Variants in ITGA9 observed in about 807,000 individuals in gnomAD.
The protein encoded by ITGA9 is integrin alpha-9.
In ITGA9, 56 loss-of-function variants were observed where a neutral mutation model predicts 127.8. The ratio of observed to expected loss-of-function variants is 0.44; its 90% confidence interval spans 0.35 to 0.55. The LOEUF (loss-of-function observed/expected upper bound fraction) is 0.55. Among genes scored for constraint, ITGA9 ranks in the 20% least tolerant of loss-of-function variants. ITGA9 has a pLI of 0.00. For synonymous variants in ITGA9, 508 were observed against 514.5 expected (o/e 0.99, Z 0.17); for missense variants, 1,196 against 1,347.1 (o/e 0.89, Z 1.76).
intron 16 of ITGA9, among the ~76,000 whole-genome samples, chr3:37,653,438 C>G (rs954502533): frequency 1.2e-4 from 18 of 152,146 alleles, no homozygotes; most frequent in Admixed American, 1.2e-3. Context: ...ACGTACCTCT[C>G]TTGAAAAAAC....
intron 15 of ITGA9, among the ~76,000 whole-genome samples, chr3:37,594,814 A>G (rs1326341647): frequency 1.3e-5 from 2 of 152,172 alleles, no homozygotes; most frequent in Non-Finnish European, 2.9e-5. Context: ...GGGTCTCGCT[A>G]TGTTGCCCAG....
At chr3:37,458,655 C>T (rs962470001) in intron 1 of ITGA9, among the ~76,000 whole-genome samples, 3 of 152,226 alleles carry the variant, frequency 2.0e-5, no homozygotes, top group Admixed American at 6.5e-5. Flanking sequence ...GCCTGCCACG[C>T]GTGAATCACT....
In ITGA9 at chr3:37,629,943, G is replaced by A. The variant is rs886144730; in HGVS notation, c.1839+607G>A. ...CAGCAGCGCTGGCCAGCTCTGAGGC[G>A]TGCAGCACTGAGTGCGGTGCAGGAA... On this transcript the variant is annotated intron_variant, in intron 16 of 27. Coordinates refer to ENST00000264741, the MANE Select transcript of ITGA9 (RefSeq NM_002207.3). The surrounding 1 kb of genome is among the most constrained non-coding windows in gnomAD (Gnocchi z 4.5). Among the ~76,000 whole-genome samples, 3 of 152,202 alleles carry A rather than the reference G, an allele frequency of 2.0e-5. No individual in the cohort carries two copies. Among genetic ancestry groups the A allele is most frequent in the Non-Finnish European group, 2.9e-5 (2 of 68,046 alleles).
At chr3:37,649,119 A>G (rs1224647350) in intron 16 of ITGA9, among the ~76,000 whole-genome samples, 3 of 150,976 alleles carry the variant, frequency 2.0e-5, no homozygotes, top group African/African-American at 7.3e-5. Context: ...ATCGATACAA[A>G]AAAAAAAAAG....
chr3:37,455,911 T>A (rs1333860196), intron 1 of ITGA9, among the ~76,000 whole-genome samples: 1 of 152,222 alleles, frequency 6.6e-6, no homozygotes, highest in Non-Finnish European at 1.5e-5. Flanking sequence ...AGCATGTGAA[T>A]GTGCTCTGTT....
chr3:37,500,605 C>A (rs1698778175), intron 5 of ITGA9, among the ~76,000 whole-genome samples: 1 of 152,130 alleles, frequency 6.6e-6, no homozygotes. Flanking sequence ...TTAGGTACTT[C>A]TGGCTTTTGC....
chr3:37,504,708 C>G (rs1480077869), intron 6 of ITGA9, among the ~76,000 whole-genome samples: 1 of 152,148 alleles, frequency 6.6e-6, no homozygotes, highest in Non-Finnish European at 1.5e-5. Context: ...ATTAGAGGCT[C>G]TTATCAGCTG....
rs1697478220 is a variant in ITGA9 at position 37,819,002 on chromosome 3, G to GCC, written c.*13_*14insCC. The GCC allele has an allele frequency of 6.4e-7, 1 of 1,553,428 alleles. No individual in the cohort carries two copies. The highest frequency in any genetic ancestry group is 8.9e-7 in the Non-Finnish European group (1 of 1,124,738). On this transcript the variant is annotated 3_prime_UTR_variant, in exon 28 of 28. Coordinates refer to ENST00000264741, the MANE Select transcript of ITGA9 (RefSeq NM_002207.3). ...GAAAAACCAGTGAGCTGCCACACCAGTCACATGACCTGATCACTAGCCTGT... is the reference window on the plus strand; with the variant it reads ...GAAAAACCAGTGAGCTGCCACACCAGCCTCACATGACCTGATCACTAGCCTGT...
At chr3:37,787,331 A>G (rs968198712) in intron 26 of ITGA9, among the ~76,000 whole-genome samples, 22 of 152,204 alleles carry the variant, frequency 1.4e-4, no homozygotes, top group African/African-American at 4.1e-4. Flanking sequence ...TTATAGGACT[A>G]GACTGTGGGA....
intron 18 of ITGA9, among the ~76,000 whole-genome samples, chr3:37,709,137 A>C (rs970953073): frequency 6.6e-6 from 1 of 152,162 alleles, no homozygotes; most frequent in Non-Finnish European, 1.5e-5. Context: ...TGACCTTATA[A>C]ATTTGTTGCA....
chr3:37,645,571 A>T (rs1344826612), intron 16 of ITGA9, among the ~76,000 whole-genome samples: 1 of 152,094 alleles, frequency 6.6e-6, no homozygotes, highest in Non-Finnish European at 1.5e-5. Flanking sequence ...TCAAAAAAAA[A>T]ATGCATTGAT....
intron 16 of ITGA9, among the ~76,000 whole-genome samples, chr3:37,649,688 T>G (rs2125645559): frequency 6.6e-6 from 1 of 152,302 alleles, no homozygotes; most frequent in Admixed American, 6.5e-5. Flanking sequence ...AGCAGTAGAC[T>G]TGAACAACTG....
intron 19 of ITGA9, among the ~76,000 whole-genome samples, chr3:37,734,815 A>C (rs1030805933): frequency 1.3e-5 from 2 of 152,236 alleles, no homozygotes; most frequent in African/African-American, 2.4e-5. Context: ...TAGAGCCCAC[A>C]GAAGTATGAA....
chr3:37,640,079 C>A (rs1700318000), intron 16 of ITGA9, among the ~76,000 whole-genome samples: 1 of 152,210 alleles, frequency 6.6e-6, no homozygotes, highest in Non-Finnish European at 1.5e-5. Context: ...CCAGGTCTTT[C>A]ACTGCGGTAG....
At chr3:37,818,643 T>G in intron 27 of ITGA9, 3 of 542,088 alleles carry the variant, frequency 5.5e-6, no homozygotes, top group Non-Finnish European at 1.0e-5. Context: ...TGGAAAACAC[T>G]ACACCAGATG....
At chr3:37,752,529 C>T (rs1696599328) in intron 23 of ITGA9, among the ~76,000 whole-genome samples, 1 of 152,224 alleles carries the variant, frequency 6.6e-6, no homozygotes, top group South Asian at 2.1e-4. Flanking sequence ...TTCCTCTCCA[C>T]ACCCTTGGGA....
intron 26 of ITGA9, among the ~76,000 whole-genome samples, chr3:37,797,650 A>G (rs1017570395): frequency 1.3e-5 from 2 of 152,084 alleles, no homozygotes; most frequent in African/African-American, 4.8e-5. Context: ...TCAAAAAAAC[A>G]CCTGTTTACT....
At chr3:37,647,274 T>C (rs890671249) in intron 16 of ITGA9, among the ~76,000 whole-genome samples, 2 of 152,192 alleles carry the variant, frequency 1.3e-5, no homozygotes, top group Non-Finnish European at 2.9e-5. Flanking sequence ...TCTGGTATTC[T>C]ATTGCTGCAT....
chr3:37,618,221 G>C (rs1276730066), intron 15 of ITGA9, among the ~76,000 whole-genome samples: 1 of 152,218 alleles, frequency 6.6e-6, no homozygotes, highest in African/African-American at 2.4e-5. Flanking sequence ...GTTTGCCAGA[G>C]GTCCACTCCA....
Sources: allele counts gnomAD v4.1 joint callset (sites outside exome capture counted in the v4.1 genomes callset), GRCh38; gene constraint gnomAD v4.1.1; non-coding constraint Gnocchi (gnomAD v3.1); transcripts MANE v1.5; gene names NCBI Gene and HGNC (gene_info 2026-07-23, HGNC 2026-07-21).